The following PBLD variants were observed in gnomAD, a reference collection of about 807,000 sequenced individuals.
PBLD encodes phenazine biosynthesis-like domain-containing protein.
In PBLD, 26 loss-of-function variants were observed where a neutral mutation model predicts 31.3. The observed-to-expected ratio is 0.83, with a 90% CI of 0.61 to 1.15. The LOEUF (loss-of-function observed/expected upper bound fraction) is 1.15, where lower values mean the gene tolerates loss of function less well. Ranked by LOEUF, PBLD falls within the 50% of genes most tolerant of loss-of-function variation. PBLD has a pLI of 0.00. For missense variants in PBLD, 307 were observed against 351.7 expected (o/e 0.87, Z 1.02); for synonymous variants, 114 against 129.0 (o/e 0.88, Z 0.79).
intron 1 of PBLD, among the ~76,000 whole-genome samples, chr10:68,315,769 T>G (rs2044729425): frequency 6.6e-6 from 1 of 151,524 alleles, no homozygotes; most frequent in South Asian, 2.1e-4. Context: ...TAAGGCAGAG[T>G]TACTACCTGT....
At chr10:68,330,413 A>G (rs1273738421) in intron 1 of PBLD, among the ~76,000 whole-genome samples, 13 of 152,116 alleles carry the variant, frequency 8.5e-5, no homozygotes, top group Non-Finnish European at 1.5e-5. Context: ...CTGTACCACA[A>G]AGTTGAAAGT....
intron 2 of PBLD, among the ~76,000 whole-genome samples, chr10:68,298,386 G>A (rs1389406474): frequency 6.6e-6 from 1 of 152,196 alleles, no homozygotes; most frequent in Non-Finnish European, 1.5e-5. Context: ...CAGCACTTTG[G>A]GAGGCCAAGG....
rs761230580 is a variant in PBLD, at chr10:68,284,236, C to T, written c.808G>A (p.Gly270Arg). ...GELGISLRPD[G>R]RVDIRGGAAV... Reference sequence around the variant, plus strand: ...GCACCTCCTCTAATGTCAACCCTTCCGTCTGGACGAAGGGAAATTCCCAGC... The same window carrying T: ...GCACCTCCTCTAATGTCAACCCTTCTGTCTGGACGAAGGGAAATTCCCAGC... Residue 270 changes from glycine to arginine, a missense_variant, in exon 10 of 10, where the codon GGA becomes AGA. By Grantham distance (125) the Gly-to-Arg change is moderately radical. Transcript: ENST00000358769. 13 of 1,613,942 alleles carry T rather than the reference C, an allele frequency of 8.1e-6. No homozygotes were observed. The Admixed American group carries it at 8.3e-5, about 10-fold the overall frequency.
chr10:68,328,345 C>G (rs976768220), intron 1 of PBLD, among the ~76,000 whole-genome samples: 1 of 152,144 alleles, frequency 6.6e-6, no homozygotes, highest in African/African-American at 2.4e-5. Context: ...ACCAATTTTT[C>G]GTTAATGTGC....
chr10:68,299,801 C>T (rs563611590), intron 2 of PBLD, among the ~76,000 whole-genome samples: 2 of 152,086 alleles, frequency 1.3e-5, no homozygotes, highest in African/African-American at 2.4e-5. Context: ...TGCAGTGAGC[C>T]GAGATCATGC....
chr10:68,319,799 T>G (rs1029689846), intron 1 of PBLD, among the ~76,000 whole-genome samples: 1 of 151,228 alleles, frequency 6.6e-6, no homozygotes, highest in Non-Finnish European at 1.5e-5. Flanking sequence ...TAATTTTTAT[T>G]TTTTATTTAT....
intron 2 of PBLD, among the ~76,000 whole-genome samples, chr10:68,297,885 C>T (rs74546950): frequency 5.4e-5 from 8 of 149,138 alleles, no homozygotes; most frequent in Non-Finnish European, 8.9e-5. Flanking sequence ...GGCGGGAGGA[C>T]AGCTTGAGTC....
At chr10:68,308,479 A>C (rs2044612915) in intron 1 of PBLD, among the ~76,000 whole-genome samples, 1 of 137,788 alleles carries the variant, frequency 7.3e-6, no homozygotes, top group Non-Finnish European at 1.6e-5. Flanking sequence ...AGTATATGAG[A>C]GTGTCTGATC....
chr10:68,329,411 G>C (rs1434654752), intron 1 of PBLD, among the ~76,000 whole-genome samples: 1 of 152,194 alleles, frequency 6.6e-6, no homozygotes, highest in Non-Finnish European at 1.5e-5. Flanking sequence ...TATGCGGAAG[G>C]AATGCCAAAT....
At chr10:68,286,379 C>T (rs1478362327) in intron 8 of PBLD, among the ~76,000 whole-genome samples, 1 of 152,168 alleles carries the variant, frequency 6.6e-6, no homozygotes, top group East Asian at 1.9e-4. Context: ...TGAGCCACTG[C>T]GCCCAGCCTT....
intron 1 of PBLD, among the ~76,000 whole-genome samples, chr10:68,317,416 G>T (rs2044749923): frequency 6.6e-6 from 1 of 152,024 alleles, no homozygotes; most frequent in African/African-American, 2.4e-5. Context: ...CACATGAATG[G>T]GTACTCAAAA....
intron 8 of PBLD, among the ~76,000 whole-genome samples, 159 bp from the exon 9 acceptor site, chr10:68,285,569 A>G (rs2044276404): frequency 6.6e-6 from 1 of 152,228 alleles, no homozygotes; most frequent in South Asian, 2.1e-4. Context: ...AGAATTATGA[A>G]AGGAGATAAA....
At chr10:68,329,138 C>T (rs971126439) in intron 1 of PBLD, among the ~76,000 whole-genome samples, 1 of 152,182 alleles carries the variant, frequency 6.6e-6, no homozygotes, top group African/African-American at 2.4e-5. Context: ...CTCGGCCTCC[C>T]AAAACGCTGG....
chr10:68,303,733 C>T (rs1428351528), intron 2 of PBLD, among the ~76,000 whole-genome samples: 3 of 151,956 alleles, frequency 2.0e-5, no homozygotes, highest in South Asian at 2.1e-4. Context: ...AAGCTCAAAG[C>T]ACCACGACCT....
chr10:68,295,317 A>G (rs1589652198), intron 4 of PBLD, among the ~76,000 whole-genome samples: 1 of 151,548 alleles, frequency 6.6e-6, no homozygotes, highest in Non-Finnish European at 1.5e-5. Context: ...ACATAGCAAA[A>G]CCCTGTCTCT....
At chr10:68,319,114 A>G (rs536463378) in intron 1 of PBLD, among the ~76,000 whole-genome samples, 2,532 of 126,006 alleles carry the variant, frequency 0.02, 98 homozygotes, top group African/African-American at 0.071. Context: ...AAAGAAAGGA[A>G]AAAGAAAGAA....
At chr10:68,311,676 C>T (rs1412008560) in intron 1 of PBLD, among the ~76,000 whole-genome samples, 2 of 141,372 alleles carry the variant, frequency 1.4e-5, no homozygotes, top group Non-Finnish European at 3.0e-5. Context: ...CGCTTGAACC[C>T]GGGAAGCGGA....
At chr10:68,316,831 A>C (rs909992647) in intron 1 of PBLD, among the ~76,000 whole-genome samples, 5 of 152,002 alleles carry the variant, frequency 3.3e-5, no homozygotes, top group African/African-American at 1.2e-4. Flanking sequence ...TGGGCAACAC[A>C]GTGAAACCCT....
chr10:68,320,061 G>T (rs952179134), intron 1 of PBLD, among the ~76,000 whole-genome samples: 2 of 152,032 alleles, frequency 1.3e-5, no homozygotes, highest in African/African-American at 4.8e-5. Flanking sequence ...GACCTCAGGT[G>T]ATCTGCCCGT....
Sources: allele counts gnomAD v4.1 joint callset (sites outside exome capture counted in the v4.1 genomes callset), GRCh38; gene constraint gnomAD v4.1.1; transcripts MANE v1.5; gene names NCBI Gene and HGNC (gene_info 2026-07-23, HGNC 2026-07-21).